Variants in KIF5B observed in about 807,000 individuals in gnomAD.
KIF5B encodes kinesin family member 5B.
In KIF5B, 49 loss-of-function variants were observed where a neutral mutation model predicts 132.8. The observed-to-expected ratio is 0.37, with a 90% CI of 0.29 to 0.47. The LOEUF is 0.47. KIF5B is among the 20% of genes least tolerant of loss of function. The pLI is 1.00. For synonymous variants in KIF5B, 355 were observed against 369.4 expected (o/e 0.96, Z 0.45); for missense variants, 780 against 1,144.0 (o/e 0.68, Z 4.59).
chr10:32,016,939 C>T (rs1239721161), intron 24 of KIF5B, among the ~76,000 whole-genome samples: 2 of 152,210 alleles, frequency 1.3e-5, no homozygotes, highest in South Asian at 2.1e-4. Flanking sequence ...CATTCCATGA[C>T]CATTCTTGCT....
chr10:32,027,804 C>T (rs564785073), intron 15 of KIF5B, among the ~76,000 whole-genome samples: 2 of 152,062 alleles, frequency 1.3e-5, no homozygotes, highest in East Asian at 3.9e-4. Flanking sequence ...GGTCTTGCCA[C>T]GTTGCCCAGG....
Position 32,038,179 on chromosome 10 carries a change from C to T in KIF5B, c.482G>A (p.Arg161Gln). Residue 161 changes from arginine to glutamine, a missense_variant, in exon 6 of 26, where the codon CGA becomes CAA. This residue lies in a region of KIF5B where 76 missense variants were observed against 146.4 expected (regional missense o/e 0.52). Transcript: ENST00000302418. ...TATAAATACCTTTACATAGGGAACT[C>T]GGTTTTTGTCTTCATGAACTGAAAG... ...TNLSVHEDKN[R>Q]VPYVKGCTER... The T allele has an allele frequency of 6.2e-7, 1 of 1,603,738 alleles. No homozygotes were observed. Among genetic ancestry groups the T allele is most frequent in the East Asian group, 2.2e-5 (1 of 44,784 alleles).
chr10:32,024,888 A>G (rs1412111478), intron 15 of KIF5B, among the ~76,000 whole-genome samples: 1 of 152,046 alleles, frequency 6.6e-6, no homozygotes, highest in Admixed American at 6.5e-5. Context: ...ACCAGCCTGG[A>G]CAATATGGTG....
chr10:32,054,014 TTCTAA>T (rs1841723943), intron 1 of KIF5B, among the ~76,000 whole-genome samples: 1 of 152,234 alleles, frequency 6.6e-6, no homozygotes, highest in Admixed American at 6.5e-5. Flanking sequence ...AAAGTTTACC[TTCTAA>T]TCTTAGTACA....
chr10:32,030,159 A>G (rs775409183), intron 14 of KIF5B, among the ~76,000 whole-genome samples: 2 of 152,148 alleles, frequency 1.3e-5, no homozygotes, highest in Non-Finnish European at 2.9e-5. Flanking sequence ...GCTATGTATT[A>G]TTTCTGTCAT....
At chr10:32,030,658 A>C (rs1209822168) in intron 14 of KIF5B, among the ~76,000 whole-genome samples, 1 of 152,246 alleles carries the variant, frequency 6.6e-6, no homozygotes, top group Non-Finnish European at 1.5e-5. Context: ...CAAATAATTC[A>C]CAGTTGATTA....
chr10:32,036,069 T>C, intron 8 of KIF5B, 75 bp from the exon 9 acceptor site: 3 of 965,978 alleles, frequency 3.1e-6, no homozygotes, highest in Non-Finnish European at 1.5e-6. Context: ...AAAATGTTCA[T>C]ATGTCATCAA....
Position 32,056,071 on chromosome 10 carries a change from T to C in KIF5B, c.-98A>G. 6.9e-7 allele frequency: 1 copy of C among 1,457,418 alleles called. No homozygotes were observed. Among genetic ancestry groups the C allele is most frequent in the Non-Finnish European group, 9.3e-7 (1 of 1,075,492 alleles). The allele number at this position is 1,457,418 out of a possible 1,614,324, so 90.3% of individuals were successfully genotyped here. A position where few individuals can be genotyped will look rare whatever the true frequency, so the allele number is the denominator to read the frequency against. ...TGAGGGCTTGTGGTCGCGAGGGCCGTGAGAGGCAGCAGTCAGCTGCGCCGC... is the reference window on the plus strand; with the variant it reads ...TGAGGGCTTGTGGTCGCGAGGGCCGCGAGAGGCAGCAGTCAGCTGCGCCGC... On this transcript the variant is annotated 5_prime_UTR_variant, in exon 1 of 26. Transcript: ENST00000302418.
In KIF5B at chr10:32,056,200, T is replaced by TGGCGGCGGC. The variant is rs879259305; in HGVS notation, c.-236_-228dup. 81 of 496,748 alleles carry TGGCGGCGGC rather than the reference T, an allele frequency of 1.6e-4. No individual in the cohort carries two copies. The highest frequency in any genetic ancestry group is 1.1e-3 in the African/African-American group (51 of 47,904). 30.8% of individuals were successfully genotyped at this position (496,748 alleles called of 1,614,324 possible). A position where few individuals can be genotyped will look rare whatever the true frequency, so the allele number is the denominator to read the frequency against. ...CACTTCCGATCCATCATGGCAGCCA[T>TGGCGGCGGC]GGCGGCGGCAGCGGCGGCGGCACCG... On this transcript the variant is annotated 5_prime_UTR_variant, in exon 1 of 26. Transcript: ENST00000302418.
chr10:32,042,606 C>T (rs1478607994), intron 2 of KIF5B, among the ~76,000 whole-genome samples: 2 of 152,188 alleles, frequency 1.3e-5, no homozygotes, highest in Admixed American at 6.5e-5. Context: ...CAGAGGAACT[C>T]AAATGCTTGC....
At chr10:32,024,495 G>A (rs1223439348) in intron 15 of KIF5B, among the ~76,000 whole-genome samples, 5 of 151,190 alleles carry the variant, frequency 3.3e-5, no homozygotes, top group African/African-American at 1.2e-4. Context: ...CAGGTACGGT[G>A]GCTCACGCCT....
intron 24 of KIF5B, among the ~76,000 whole-genome samples, chr10:32,016,138 G>C (rs1841157451): frequency 6.6e-6 from 1 of 151,980 alleles, no homozygotes; most frequent in African/African-American, 2.4e-5. Flanking sequence ...GCAAGACCCT[G>C]TGTCATAAAA....
intron 15 of KIF5B, among the ~76,000 whole-genome samples, chr10:32,026,675 CTCT>C (rs1841338755): frequency 6.6e-6 from 1 of 151,926 alleles, no homozygotes; most frequent in Non-Finnish European, 1.5e-5. Flanking sequence ...TTTCCACTCT[CTCT>C]TTACACTTTT....
intron 1 of KIF5B, among the ~76,000 whole-genome samples, chr10:32,049,466 G>C (rs563467959): frequency 6.6e-6 from 1 of 152,156 alleles, no homozygotes; most frequent in African/African-American, 2.4e-5. Flanking sequence ...AAAAGGTTTC[G>C]TGTAGGAAAG....
chr10:32,033,753 C>G (rs1344679302), intron 12 of KIF5B, 92 bp downstream of exon 12: 7 of 759,028 alleles, frequency 9.2e-6, no homozygotes. Flanking sequence ...TCCTAAGTGC[C>G]CACAGCACTG....
In KIF5B at chr10:32,049,819, C is replaced by A. The variant is rs115491586; in HGVS notation, c.127-1268G>T. Among the ~76,000 whole-genome samples the A allele has an allele frequency of 9.1e-3, 1,387 of 151,796 alleles. 20 individuals are homozygous for A. The highest frequency in any genetic ancestry group is 0.031 in the African/African-American group (1,299 of 41,402). ...GATTATGTCAAATACAGTTGTGAGG[C>A]CAAGACAAAACTAAAAAGTACTCAA... On this transcript the variant is annotated intron_variant, in intron 1 of 25. Coordinates refer to ENST00000302418, the MANE Select transcript of KIF5B (RefSeq NM_004521.3).
intron 9 of KIF5B, 71 bp downstream of exon 9, chr10:32,035,819 G>A: frequency 7.5e-7 from 1 of 1,334,222 alleles, no homozygotes; most frequent in South Asian, 1.3e-5. Flanking sequence ...ACACACCCAG[G>A]CACACATATA....
intron 3 of KIF5B, 109 bp downstream of exon 3, chr10:32,040,275 A>G (rs748884731): frequency 3.2e-4 from 230 of 727,366 alleles, no homozygotes; most frequent in Admixed American, 1.3e-3. Flanking sequence ...GTATGAGAAA[A>G]GGCAATAAAG....
At chr10:32,020,333 G>A (rs1163164531) in intron 19 of KIF5B, among the ~76,000 whole-genome samples, 1 of 151,954 alleles carries the variant, frequency 6.6e-6, no homozygotes, top group African/African-American at 2.4e-5. Context: ...ATGTGCACAT[G>A]GTTATGGAGG....
Sources: gnomAD v4.1 joint callset for allele counts (sites outside exome capture counted in the v4.1 genomes callset) on GRCh38, gnomAD v4.1.1 for gene constraint, gnomAD v4.1.1 regional missense constraint, MANE v1.5 for transcripts, NCBI Gene and HGNC (gene_info 2026-07-23, HGNC 2026-07-21) for gene names.